The following XKR7 variants were observed in gnomAD, a reference collection of about 807,000 sequenced individuals.
XKR7 encodes the protein XK-related protein 7.
A neutral mutation model predicts 42.2 loss-of-function variants in XKR7; 11 were observed. The observed-to-expected ratio is 0.26, with a 90% CI of 0.16 to 0.43. The LOEUF (loss-of-function observed/expected upper bound fraction) is 0.43, where lower values mean the gene tolerates loss of function less well. XKR7 is among the 20% of genes least tolerant of loss of function. The pLI is 1.00. For missense variants in XKR7, 710 were observed against 802.2 expected, an observed-to-expected ratio of 0.89 and a Z score of 1.39; for synonymous variants, 346 against 366.4, an observed-to-expected ratio of 0.94 and a Z score of 0.64.
At chr20:31,994,442 G>C (rs898943144) in intron 1 of XKR7, among the ~76,000 whole-genome samples, 2 of 152,144 alleles carry the variant, frequency 1.3e-5, no homozygotes, top group Admixed American at 1.3e-4. Flanking sequence ...GCCGTGTGCG[G>C]TGGCTCATGC....
chr20:31,990,214 G>GTGTGTGTGTGTGT (rs1491566309), intron 1 of XKR7, among the ~76,000 whole-genome samples: 1 of 148,474 alleles, frequency 6.7e-6, no homozygotes, highest in African/African-American at 2.5e-5. Flanking sequence ...GTGTGTGTGT[G>GTGTGTGTGTGTGT]GAAACAGGGA....
chr20:31,985,941 G>A (rs2064537070), intron 1 of XKR7, among the ~76,000 whole-genome samples: 1 of 100,080 alleles, frequency 1.0e-5, no homozygotes, highest in African/African-American at 4.8e-5. Context: ...AGACCACCAA[G>A]CGGACCCAGC....
At chr20:31,989,149 GA>G (rs1296746855) in intron 1 of XKR7, among the ~76,000 whole-genome samples, 1 of 152,204 alleles carries the variant, frequency 6.6e-6, no homozygotes, top group East Asian at 1.9e-4. Flanking sequence ...GGTGGCCTGG[GA>G]GGCCTCTCTG....
intron 1 of XKR7, among the ~76,000 whole-genome samples, chr20:31,989,284 C>CCCG (rs1555861232): frequency 1.4e-3 from 206 of 150,908 alleles, no homozygotes; most frequent in Non-Finnish European, 2.4e-3. Context: ...CACCCCCCCC[C>CCCG]CAGCGCATCT....
intron 2 of XKR7, 35 bp from the exon 3 acceptor site, chr20:31,996,470 A>AACCCCCCCCC: frequency 5.0e-6 from 2 of 401,224 alleles, no homozygotes; most frequent in Admixed American, 4.9e-5. Context: ...CCCGCCCCTA[A>AACCCCCCCCC]CCCAGCCCAC....
At position 31,996,551 on chromosome 20, in the gene XKR7, C is replaced by G. The variant is rs2064592454; in HGVS notation, c.834C>G (p.Ala278=). The G allele has an allele frequency of 6.7e-7, 1 of 1,498,696 alleles. No homozygotes were observed. Among genetic ancestry groups the G allele is most frequent in the Non-Finnish European group, 8.9e-7 (1 of 1,127,696 alleles). 92.8% of individuals were successfully genotyped at this position (1,498,696 alleles called of 1,614,324 possible). A position where few individuals can be genotyped will look rare whatever the true frequency, so the allele number is the denominator to read the frequency against. The part of the protein sequence containing the change: ...ASLVSLAWTL[A]SYQKVLRDSR... ...TCGTGTCTCTGGCCTGGACGCTGGC[C>G]TCCTACCAGAAGGTGCTGCGGGACT... is the stretch of plus-strand genomic sequence containing the variant. The change falls in exon 3 of 3, where the codon GCC becomes GCG. Residue 278 remains alanine (A), a synonymous_variant. Coordinates refer to ENST00000562532, the MANE Select transcript of XKR7 (RefSeq NM_001011718.2).
intron 1 of XKR7, among the ~76,000 whole-genome samples, chr20:31,989,284 C>CTG (rs60826834): frequency 2.7e-5 from 4 of 150,796 alleles, no homozygotes; most frequent in African/African-American, 7.3e-5. Flanking sequence ...CACCCCCCCC[C>CTG]CAGCGCATCT....
At chr20:31,971,478 A>G (rs1341786438) in intron 1 of XKR7, among the ~76,000 whole-genome samples, 3 of 152,220 alleles carry the variant, frequency 2.0e-5, no homozygotes, top group African/African-American at 7.2e-5. Context: ...AAATGGAGGG[A>G]AAACCCAGAG....
rs556885399 is a variant in XKR7 at position 31,975,622 on chromosome 20, C to CTGTTGATCAAAAAGCTATACATTCT, written c.584+6870_584+6894dup. On this transcript the variant is annotated intron_variant, in intron 1 of 2. Coordinates refer to ENST00000562532, the MANE Select transcript of XKR7 (RefSeq NM_001011718.2). ...AGTGGAAAATGTTTGGCTGTTTTGT[C>CTGTTGATCAAAAAGCTATACATTCT]TGTTGATCAAAAAGCTATACATTCT... Among the ~76,000 whole-genome samples the CTGTTGATCAAAAAGCTATACATTCT allele has an allele frequency of 1.9e-3, 284 of 146,076 alleles. 3 individuals are homozygous for CTGTTGATCAAAAAGCTATACATTCT. The highest frequency in any genetic ancestry group is 7.0e-3 in the African/African-American group (278 of 39,632).
At chr20:31,975,297 T>C (rs1375220641) in intron 1 of XKR7, among the ~76,000 whole-genome samples, 1 of 151,986 alleles carries the variant, frequency 6.6e-6, no homozygotes, top group East Asian at 1.9e-4. Context: ...AGCAAGTCCC[T>C]GTGCTTTAGC....
At chr20:31,993,764 T>C (rs1375323494) in intron 1 of XKR7, among the ~76,000 whole-genome samples, 2 of 152,138 alleles carry the variant, frequency 1.3e-5, no homozygotes, top group Non-Finnish European at 2.9e-5. Context: ...CTGTGACAAG[T>C]GCTAGCTAGA....
At chr20:31,976,054 T>C (rs1172032053) in intron 1 of XKR7, among the ~76,000 whole-genome samples, 1 of 152,220 alleles carries the variant, frequency 6.6e-6, no homozygotes. Context: ...ATGGGCATCA[T>C]AACAATCCCT....
intron 1 of XKR7, among the ~76,000 whole-genome samples, chr20:31,983,466 A>G (rs2064522879): frequency 6.6e-6 from 1 of 152,140 alleles, no homozygotes; most frequent in Admixed American, 6.5e-5. Context: ...AGATGGGAGA[A>G]TGAGAGTTTG....
intron 1 of XKR7, among the ~76,000 whole-genome samples, chr20:31,971,669 C>T (rs1356509818): frequency 6.6e-6 from 1 of 152,176 alleles, no homozygotes; most frequent in Non-Finnish European, 1.5e-5. Context: ...GGCAGTCACT[C>T]ACCTCCTGAT....
At chr20:31,996,365 A>C in intron 2 of XKR7, 140 bp from the exon 3 acceptor site, 2 of 598,418 alleles carry the variant, frequency 3.3e-6, no homozygotes, top group Non-Finnish European at 5.5e-6. Flanking sequence ...GACCTTCCCC[A>C]CACCCCTGCT....
intron 1 of XKR7, among the ~76,000 whole-genome samples, chr20:31,971,336 A>G (rs528020110): frequency 6.6e-5 from 10 of 152,282 alleles, no homozygotes; most frequent in African/African-American, 2.4e-4. Flanking sequence ...TGTGTGTGAA[A>G]TGAGATTCAA....
In XKR7 at chr20:32,000,328, C is replaced by G. The variant is rs1454161528; in HGVS notation, c.*2871C>G. The G allele has an allele frequency of 1.3e-5, 2 of 152,606 alleles. No homozygotes were observed. Among genetic ancestry groups the G allele is most frequent in the African/African-American group, 4.8e-5 (2 of 41,346 alleles). The allele number at this position is 152,606 out of a possible 1,614,324, so 9.5% of individuals were successfully genotyped here. ...CTACCTCAGCCAGTCTCTCCCCTAG[C>G]AGAACTGACCCCCCTGGTCCTCTGC... On this transcript the variant is annotated 3_prime_UTR_variant, in exon 3 of 3. Transcript: ENST00000562532.
At position 32,000,656 on chromosome 20, in the gene XKR7, A is replaced by G. The variant is rs1472217878; in HGVS notation, c.*3199A>G. On this transcript the variant is annotated 3_prime_UTR_variant, in exon 3 of 3. Transcript: ENST00000562532. ...ACCAAATATGGCAGGCCCTGCCCTC[A>G]GTTACCTCTAACCCCAGGAGACCAG... The G allele has an allele frequency of 1.3e-5, 2 of 152,206 alleles. No individual in the cohort carries two copies. Among genetic ancestry groups the G allele is most frequent in the African/African-American group, 4.8e-5 (2 of 41,414 alleles). The allele number at this position is 152,206 out of a possible 1,614,324, so 9.4% of individuals were successfully genotyped here. A position where few individuals can be genotyped will look rare whatever the true frequency, so the allele number is the denominator to read the frequency against.
Position 32,002,445 on chromosome 20 carries a change from G to T in XKR7, c.*4988G>T, listed in dbSNP as rs1480675567. The T allele has an allele frequency of 6.6e-6, 1 of 152,166 alleles. No individual in the cohort carries two copies. The highest frequency in any genetic ancestry group is 1.5e-5 in the Non-Finnish European group (1 of 68,056). 9.4% of individuals were successfully genotyped at this position (152,166 alleles called of 1,614,324 possible). A position where few individuals can be genotyped will look rare whatever the true frequency, so the allele number is the denominator to read the frequency against. ...TCTCTCTCTCACCCAAATCCCCCCA[G>T]ATCGAATCTGACCCTTTTCCCTGGT... On this transcript the variant is annotated 3_prime_UTR_variant, in exon 3 of 3. Coordinates refer to ENST00000562532, the MANE Select transcript of XKR7 (RefSeq NM_001011718.2).
Sources: gnomAD v4.1 joint callset for allele counts (sites outside exome capture counted in the v4.1 genomes callset) on GRCh38, gnomAD v4.1.1 for gene constraint, MANE v1.5 for transcripts, NCBI Gene and HGNC (gene_info 2026-07-23, HGNC 2026-07-21) for gene names.